Variants in ZC3H12C observed in about 807,000 individuals in gnomAD.
ZC3H12C encodes zinc finger CCCH-type containing 12C, also known as probable ribonuclease ZC3H12C.
In ZC3H12C, 20 loss-of-function variants were observed where a neutral mutation model predicts 76.3. That is an observed-to-expected ratio of 0.26 (90% CI 0.18 to 0.38). ZC3H12C has a LOEUF of 0.38. ZC3H12C is among the 10% of genes least tolerant of loss of function. The pLI is 1.00. For missense variants in ZC3H12C, 874 were observed against 1,086.5 expected, an observed-to-expected ratio of 0.80 and a Z score of 2.75; for synonymous variants, 352 against 399.6, an observed-to-expected ratio of 0.88 and a Z score of 1.42.
chr11:110,132,261 G>A (rs1861881456), intron 1 of ZC3H12C, among the ~76,000 whole-genome samples: 1 of 151,882 alleles, frequency 6.6e-6, no homozygotes, highest in Non-Finnish European at 1.5e-5. Flanking sequence ...TTGAGACGAA[G>A]AATTATCCAA....
intron 1 of ZC3H12C, among the ~76,000 whole-genome samples, chr11:110,120,209 A>T (rs532006203): frequency 6.6e-6 from 1 of 152,166 alleles, no homozygotes; most frequent in Admixed American, 6.5e-5. Flanking sequence ...TCTGGTCACA[A>T]CATTTTTATC....
At chr11:110,130,585 C>T (rs1861843204) in intron 1 of ZC3H12C, among the ~76,000 whole-genome samples, 1 of 152,200 alleles carries the variant, frequency 6.6e-6, no homozygotes, top group Admixed American at 6.5e-5. Flanking sequence ...TAATAGACTA[C>T]AGTATAGCCT....
rs546090146 is a variant in ZC3H12C, at chr11:110,147,810, CCTT to C, written c.774-5101_774-5099del. The stretch of plus-strand genomic sequence containing the variant: ...TATCCAGGTTCTCAGACTCCTTGTT[CCTT>C]CTTCTTCATCATTTCTGCCTCCGTA... On this transcript the variant is annotated intron_variant, in intron 2 of 5. Coordinates refer to ENST00000278590, the MANE Select transcript of ZC3H12C (RefSeq NM_033390.2). Among the ~76,000 whole-genome samples, 355 of 152,248 alleles carry C rather than the reference CCTT, an allele frequency of 2.3e-3. 1 individual carries two copies. Among genetic ancestry groups the C allele is most frequent in the Non-Finnish European group, 3.9e-3 (263 of 68,014 alleles).
intron 3 of ZC3H12C, among the ~76,000 whole-genome samples, chr11:110,155,804 T>C (rs1862367048): frequency 1.3e-5 from 2 of 152,194 alleles, no homozygotes; most frequent in Admixed American, 6.6e-5. Flanking sequence ...TAATTGCCTC[T>C]TAGTTGCAAC....
rs933459340 is a variant in ZC3H12C at position 110,170,379 on chromosome 11, A to T, written c.*4642A>T. ...CAGATACATTTTGGCTGCATTTACC[A>T]GTTACATTTTTCCATTGGTTTTGGC... On this transcript the variant is annotated 3_prime_UTR_variant, in exon 6 of 6. Coordinates refer to ENST00000278590, the MANE Select transcript of ZC3H12C (RefSeq NM_033390.2). The T allele has an allele frequency of 6.6e-6, 1 of 152,210 alleles. No homozygotes were observed. Among genetic ancestry groups the T allele is most frequent in the Admixed American group, 6.5e-5 (1 of 15,272 alleles). The allele number at this position is 152,210 out of a possible 1,614,324, so 9.4% of individuals were successfully genotyped here. A position where few individuals can be genotyped will look rare whatever the true frequency, so the allele number is the denominator to read the frequency against.
chr11:110,093,652 G>T (rs1200911618), intron 1 of ZC3H12C, among the ~76,000 whole-genome samples: 1 of 151,978 alleles, frequency 6.6e-6, no homozygotes, highest in Non-Finnish European at 1.5e-5. Context: ...GGAAAGCCCA[G>T]CGCATCCTCC....
chr11:110,109,293 A>G (rs1218723603), intron 1 of ZC3H12C, among the ~76,000 whole-genome samples: 1 of 152,198 alleles, frequency 6.6e-6, no homozygotes, highest in Non-Finnish European at 1.5e-5. Flanking sequence ...CAAGTATATA[A>G]ATCCTTAATA....
chr11:110,125,637 CCTT>C (rs1424151863), intron 1 of ZC3H12C, among the ~76,000 whole-genome samples: 2 of 152,090 alleles, frequency 1.3e-5, no homozygotes, highest in Non-Finnish European at 2.9e-5. Context: ...TGTTTAATGT[CCTT>C]CTGTACTGGG....
chr11:110,137,549 A>C, intron 2 of ZC3H12C, 135 bp downstream of exon 2: 1 of 1,125,588 alleles, frequency 8.9e-7, no homozygotes. Flanking sequence ...ACATTAGAAA[A>C]CATTAGTTTT....
chr11:110,098,273 G>T (rs1236320846), intron 1 of ZC3H12C, among the ~76,000 whole-genome samples: 1 of 152,122 alleles, frequency 6.6e-6, no homozygotes, highest in Admixed American at 6.6e-5. Flanking sequence ...ATAGACAAAA[G>T]CTTATAGAAT....
chr11:110,138,366 T>A (rs1803999529), intron 2 of ZC3H12C, among the ~76,000 whole-genome samples: 1 of 152,112 alleles, frequency 6.6e-6, no homozygotes, highest in Admixed American at 6.5e-5. Context: ...AGATTCTATA[T>A]CAGTGCTGTC....
chr11:110,150,614 G>T (rs991444736), intron 2 of ZC3H12C, among the ~76,000 whole-genome samples: 1 of 152,014 alleles, frequency 6.6e-6, no homozygotes, highest in Non-Finnish European at 1.5e-5. Context: ...TATTTATAAA[G>T]TTTTCATATT....
chr11:110,152,535 AT>A (rs3039411), intron 2 of ZC3H12C, among the ~76,000 whole-genome samples: 103,725 of 151,190 alleles, frequency 0.69, 36,298 homozygotes, highest in South Asian at 0.78. Flanking sequence ...GTTTTTACAG[AT>A]TTTTTTTTTT....
At chr11:110,144,490 C>T (rs1323111801) in intron 2 of ZC3H12C, among the ~76,000 whole-genome samples, 1 of 152,064 alleles carries the variant, frequency 6.6e-6, no homozygotes, top group Non-Finnish European at 1.5e-5. Flanking sequence ...ATTCCAGAGG[C>T]TATGTTATTT....
In ZC3H12C at chr11:110,164,312, C is replaced by T. The variant is rs747657712; in HGVS notation, c.1256-29C>T. On this transcript the variant is annotated intron_variant, in intron 5 of 5. Coordinates refer to ENST00000278590, the MANE Select transcript of ZC3H12C (RefSeq NM_033390.2). This position sits in a 1 kb window ranked among gnomAD's most constrained non-coding sequence, Gnocchi z 5.7. ...GTTTTCAGGATCTGATGGTATGCTC[C>T]TTTGCCTAATTAATTTTACTCTTCT... The T allele has an allele frequency of 6.5e-7, 1 of 1,542,718 alleles. No homozygotes were observed. Among genetic ancestry groups the T allele is most frequent in the African/African-American group, 1.4e-5 (1 of 73,326 alleles).
intron 1 of ZC3H12C, among the ~76,000 whole-genome samples, chr11:110,100,154 G>A (rs1398378531): frequency 6.6e-6 from 1 of 150,524 alleles, no homozygotes; most frequent in Middle Eastern, 3.2e-3. Flanking sequence ...ATTCTACAGA[G>A]TTTGGCATAT....
chr11:110,096,137 T>G (rs1036693955), intron 1 of ZC3H12C, among the ~76,000 whole-genome samples: 1 of 152,236 alleles, frequency 6.6e-6, no homozygotes, highest in Non-Finnish European at 1.5e-5. Flanking sequence ...TCTCTGCTGC[T>G]GTTTTGCAAT....
At chr11:110,163,517 C>A in intron 5 of ZC3H12C, 138 bp downstream of exon 5, 2 of 594,178 alleles carry the variant, frequency 3.4e-6, no homozygotes, top group Non-Finnish European at 5.5e-6. Context: ...TTTCAGAAAA[C>A]GTCTTAGCCA....
In ZC3H12C at chr11:110,165,580, C is replaced by T. The variant is rs767989458; in HGVS notation, c.2495C>T (p.Pro832Leu). 60 of 1,611,436 alleles carry T rather than the reference C, an allele frequency of 3.7e-5. No homozygotes were observed. Among genetic ancestry groups the T allele is most frequent in the Non-Finnish European group, 4.8e-5 (57 of 1,178,776 alleles). Residue 832 changes from proline to leucine, a missense_variant, in exon 6 of 6, where the codon CCG becomes CTG. By Grantham distance (98) the Pro-to-Leu change is moderately conservative. Coordinates refer to ENST00000278590, the MANE Select transcript of ZC3H12C (RefSeq NM_033390.2). Reference sequence around the variant, plus strand: ...TACTGTGGAATGCCGCAAGATCCCCCGAGGTATCAAGACAACCGAGAAAAG... The same window carrying T: ...TACTGTGGAATGCCGCAAGATCCCCTGAGGTATCAAGACAACCGAGAAAAG... ...IPYCGMPQDPPRYQDNREKIY... is the reference protein window; with the variant it reads ...IPYCGMPQDPLRYQDNREKIY...
Sources: gnomAD v4.1 joint callset for allele counts (sites outside exome capture counted in the v4.1 genomes callset) on GRCh38, gnomAD v4.1.1 for gene constraint, Gnocchi (gnomAD v3.1) non-coding constraint, MANE v1.5 for transcripts, NCBI Gene and HGNC (gene_info 2026-07-23, HGNC 2026-07-21) for gene names.